Variants in RFTN2 observed in about 807,000 individuals in gnomAD.
RFTN2 encodes the protein raftlin family member 2.
Under a neutral mutation model 52.7 loss-of-function variants are expected in RFTN2, and 34 were observed. The observed-to-expected ratio is 0.64, with a 90% CI of 0.49 to 0.86. The LOEUF is 0.86. Among genes scored for constraint, RFTN2 ranks in the 40% least tolerant of loss-of-function variants. The pLI, the probability that RFTN2 is intolerant of heterozygous loss-of-function variation, is 0.00. For missense variants in RFTN2, 536 were observed against 600.1 expected, an observed-to-expected ratio of 0.89 and a Z score of 1.12; for synonymous variants, 203 against 217.7, an observed-to-expected ratio of 0.93 and a Z score of 0.59.
chr2:197,616,247 G>A (rs1467296206), intron 6 of RFTN2, among the ~76,000 whole-genome samples: 1 of 59,058 alleles, frequency 1.7e-5, no homozygotes, highest in Non-Finnish European at 3.8e-5. Context: ...TAATACATGG[G>A]GTTGGGGAGC....
At chr2:197,577,132 A>G (rs2087431954) in intron 8 of RFTN2, among the ~76,000 whole-genome samples, 1 of 152,190 alleles carries the variant, frequency 6.6e-6, no homozygotes, top group Non-Finnish European at 1.5e-5. Flanking sequence ...CATCTTACAT[A>G]TGTTGATTGA....
chr2:197,613,016 C>T lies in RFTN2; in HGVS notation c.1154+2860G>A, dbSNP rs547611230. ...CAAAAAGAAGATGATGATAGACATT[C>T]TTTTTTCTGGGTGTGAGAATATGTG... On this transcript the variant is annotated intron_variant, in intron 7 of 8. Coordinates refer to ENST00000295049, the MANE Select transcript of RFTN2 (RefSeq NM_144629.3). Among the ~76,000 whole-genome samples the T allele has an allele frequency of 1.4e-4, 21 of 152,262 alleles. No homozygotes were observed. The South Asian group carries it at 4.4e-3, about 32-fold the overall frequency.
intron 8 of RFTN2, among the ~76,000 whole-genome samples, chr2:197,573,038 C>G (rs2087344822): frequency 6.7e-6 from 1 of 149,916 alleles, no homozygotes; most frequent in Non-Finnish European, 1.5e-5. Context: ...ACTACACAGT[C>G]TCGGGTATGT....
intron 1 of RFTN2, among the ~76,000 whole-genome samples, chr2:197,666,470 C>G (rs929165757): frequency 6.6e-6 from 1 of 152,228 alleles, no homozygotes; most frequent in Non-Finnish European, 1.5e-5. Context: ...ATTCCATTCT[C>G]TCCTGGCCTG....
rs567472922 is a variant in RFTN2 at position 197,619,523 on chromosome 2, T to A, written c.929-1602A>T. Among the ~76,000 whole-genome samples, 7 of 150,018 alleles carry A rather than the reference T, an allele frequency of 4.7e-5. No homozygotes were observed. In the South Asian group the frequency reaches 1.5e-3, roughly 32 times the overall value. On this transcript the variant is annotated intron_variant, in intron 5 of 8. Coordinates refer to ENST00000295049, the MANE Select transcript of RFTN2 (RefSeq NM_144629.3). ...TAAGGGCGGTGCAAGATGTGCTTTG[T>A]TAAACAGATGCTTGAAGGCAGCATG...
At chr2:197,653,021 T>C (rs2088845429) in intron 1 of RFTN2, among the ~76,000 whole-genome samples, 5 of 152,234 alleles carry the variant, frequency 3.3e-5, no homozygotes. Context: ...ATCTCATTAG[T>C]ATATTCCTTG....
chr2:197,571,929 G>A lies in RFTN2; in HGVS notation c.*79C>T. The A allele has an allele frequency of 7.0e-7, 1 of 1,428,862 alleles. No homozygotes were observed. The highest frequency in any genetic ancestry group is 9.7e-7 in the Non-Finnish European group (1 of 1,031,258). The allele number at this position is 1,428,862 out of a possible 1,614,324, so 88.5% of individuals were successfully genotyped here. On this transcript the variant is annotated 3_prime_UTR_variant, in exon 9 of 9. Coordinates refer to ENST00000295049, the MANE Select transcript of RFTN2 (RefSeq NM_144629.3). ...AATTCAAAAATATTACATAAATGCA[G>A]AGAAAGTAATACAATAAGGTCAGTT...
chr2:197,629,683 C>T (rs1264960181), intron 5 of RFTN2, among the ~76,000 whole-genome samples: 2 of 148,316 alleles, frequency 1.3e-5, no homozygotes, highest in Non-Finnish European at 3.0e-5. Context: ...TATACACACA[C>T]ACACACACAC....
Position 197,602,439 on chromosome 2 carries a change from T to C in RFTN2, c.1155-6370A>G, listed in dbSNP as rs564375689. Among the ~76,000 whole-genome samples the C allele has an allele frequency of 1.2e-4, 18 of 152,314 alleles. 1 individual carries two copies. The South Asian group carries it at 1.2e-3, about 11-fold the overall frequency. ...CAACTTGAACTTCTTCTTGGTTCAA[T>C]ATGTGCCCATAATTTCAAGCATCTT... On this transcript the variant is annotated intron_variant, in intron 7 of 8. Coordinates refer to ENST00000295049, the MANE Select transcript of RFTN2 (RefSeq NM_144629.3).
At chr2:197,648,676 G>GTGT (rs1237130765) in intron 1 of RFTN2, among the ~76,000 whole-genome samples, 20 of 152,320 alleles carry the variant, frequency 1.3e-4, no homozygotes, top group African/African-American at 4.8e-4. Flanking sequence ...AAATGTCTTA[G>GTGT]TGTAATACAA....
intron 8 of RFTN2, among the ~76,000 whole-genome samples, chr2:197,585,026 G>A (rs2087573180): frequency 6.6e-6 from 1 of 152,130 alleles, no homozygotes; most frequent in Admixed American, 6.6e-5. Flanking sequence ...CCACCTGCAG[G>A]ATCCTCCCTA....
chr2:197,637,829 T>C (rs1029441912), intron 3 of RFTN2, among the ~76,000 whole-genome samples: 4 of 152,082 alleles, frequency 2.6e-5, no homozygotes, highest in Non-Finnish European at 5.9e-5. Flanking sequence ...AATTGTGATG[T>C]TAGGGTGTCA....
At chr2:197,632,943 T>C (rs2088490618) in intron 4 of RFTN2, among the ~76,000 whole-genome samples, 1 of 152,226 alleles carries the variant, frequency 6.6e-6, no homozygotes, top group African/African-American at 2.4e-5. Context: ...ACATTTCTTA[T>C]TTACTTCTCA....
At chr2:197,653,904 T>G (rs1233480960) in intron 1 of RFTN2, among the ~76,000 whole-genome samples, 1 of 152,224 alleles carries the variant, frequency 6.6e-6, no homozygotes, top group Non-Finnish European at 1.5e-5. Flanking sequence ...TCCTTAAAAT[T>G]TTCTTCTAAT....
In RFTN2 at chr2:197,571,935, G is replaced by C. The variant is rs945971664; in HGVS notation, c.*73C>G. ...AAAATATTACATAAATGCAGAGAAA[G>C]TAATACAATAAGGTCAGTTGGCAAT... On this transcript the variant is annotated 3_prime_UTR_variant, in exon 9 of 9. Transcript: ENST00000295049. 6.9e-6 allele frequency: 10 copies of C among 1,456,880 alleles called. No individual in the cohort carries two copies. The highest frequency in any genetic ancestry group is 7.6e-6 in the Non-Finnish European group (8 of 1,051,044). The allele number at this position is 1,456,880 out of a possible 1,614,324, so 90.2% of individuals were successfully genotyped here. A position where few individuals can be genotyped will look rare whatever the true frequency, so the allele number is the denominator to read the frequency against.
chr2:197,618,567 C>A (rs1422987272), intron 5 of RFTN2, among the ~76,000 whole-genome samples: 1 of 151,636 alleles, frequency 6.6e-6, no homozygotes, highest in Non-Finnish European at 1.5e-5. Flanking sequence ...ATGTGAGGAG[C>A]CCCTCTGCCT....
chr2:197,581,806 G>A (rs2087515402), intron 8 of RFTN2, among the ~76,000 whole-genome samples: 1 of 151,998 alleles, frequency 6.6e-6, no homozygotes, highest in South Asian at 2.1e-4. Flanking sequence ...TTTCCTTCCT[G>A]GGCATGGTTG....
At chr2:197,607,361 A>G (rs1574701943) in intron 7 of RFTN2, among the ~76,000 whole-genome samples, 1 of 152,102 alleles carries the variant, frequency 6.6e-6, no homozygotes. Flanking sequence ...GGATAGCATT[A>G]GGAGATATAC....
chr2:197,646,848 G>C (rs760026502), intron 1 of RFTN2, among the ~76,000 whole-genome samples, 182 bp from the exon 2 acceptor site: 1 of 123,266 alleles, frequency 8.1e-6, no homozygotes, highest in Non-Finnish European at 1.6e-5. Flanking sequence ...CCAGGAGTTT[G>C]AGACCAGCCT....
Sources: allele counts gnomAD v4.1 joint callset (sites outside exome capture counted in the v4.1 genomes callset), GRCh38; gene constraint gnomAD v4.1.1; transcripts MANE v1.5; gene names NCBI Gene and HGNC (gene_info 2026-07-23, HGNC 2026-07-21).